SUGCT: variants seen among roughly 807,000 people sequenced by gnomAD.
SUGCT encodes succinyl-CoA:glutarate CoA-transferase.
A neutral mutation model predicts 55.0 loss-of-function variants in SUGCT; 41 were observed. That is an observed-to-expected ratio of 0.74 (90% CI 0.58 to 0.97). The LOEUF is 0.97. Ranked by LOEUF, SUGCT falls within the 50% of genes least tolerant of loss-of-function variation. SUGCT has a pLI of 0.00. For synonymous variants in SUGCT, 187 were observed against 200.4 expected (o/e 0.93, Z 0.56); for missense variants, 568 against 547.8 (o/e 1.04, Z -0.37).
At chr7:40,364,111 GT>G (rs1253734361) in intron 9 of SUGCT, among the ~76,000 whole-genome samples, 4 of 150,638 alleles carry the variant, frequency 2.7e-5, no homozygotes, top group African/African-American at 9.7e-5. Context: ...TTTAAAGTCT[GT>G]TTTATCCGAG....
intron 12 of SUGCT, among the ~76,000 whole-genome samples, chr7:40,560,589 T>C (rs1035610835): frequency 1.3e-5 from 2 of 152,208 alleles, no homozygotes; most frequent in South Asian, 4.1e-4. Flanking sequence ...CCAAGGATCT[T>C]AGAGTCCTGA....
chr7:40,865,613 C>T (rs1190964729), downstream of SUGCT, among the ~76,000 whole-genome samples: 4 of 152,154 alleles, frequency 2.6e-5, no homozygotes, highest in South Asian at 4.1e-4. Flanking sequence ...ACGCTGGAGC[C>T]GAACAGCTTG....
chr7:40,598,279 G>T (rs1306943947), intron 12 of SUGCT, among the ~76,000 whole-genome samples: 1 of 152,146 alleles, frequency 6.6e-6, no homozygotes, highest in Admixed American at 6.5e-5. Context: ...ACCATGGTGG[G>T]CCCCTCTCTA....
intron 9 of SUGCT, among the ~76,000 whole-genome samples, chr7:40,412,584 T>G (rs934338556): frequency 2.0e-5 from 3 of 152,172 alleles, no homozygotes; most frequent in African/African-American, 7.2e-5. Flanking sequence ...AATACATTAT[T>G]TATATATTGA....
At chr7:40,186,292 T>C (rs1584285353) in intron 3 of SUGCT, among the ~76,000 whole-genome samples, 1 of 144,724 alleles carries the variant, frequency 6.9e-6, no homozygotes, top group Admixed American at 7.0e-5. Flanking sequence ...AGGATCTTGC[T>C]CTGTCCCCTA....
chr7:40,634,735 A>G (rs762216884), intron 12 of SUGCT, among the ~76,000 whole-genome samples: 2 of 152,242 alleles, frequency 1.3e-5, no homozygotes, highest in African/African-American at 4.8e-5. Flanking sequence ...AATAGACATT[A>G]TCATGCATTG....
At chr7:40,890,988 A>G in the SUGCT span, among the ~76,000 whole-genome samples, 2,406 of 152,258 alleles carry the variant, frequency 0.016, 32 homozygotes, top group Non-Finnish European at 0.025. Flanking sequence ...AGAACAAAAA[A>G]TTTCTAGAAT....
intron 13 of SUGCT, among the ~76,000 whole-genome samples, chr7:40,763,726 C>T (rs1019832624): frequency 2.2e-4 from 34 of 152,158 alleles, no homozygotes; most frequent in African/African-American, 8.2e-4. Context: ...ACTGCCAGAT[C>T]TCAGAAACAG....
At chr7:40,384,129 G>T (rs1381970054) in intron 9 of SUGCT, among the ~76,000 whole-genome samples, 3 of 152,154 alleles carry the variant, frequency 2.0e-5, no homozygotes, top group Non-Finnish European at 2.9e-5. Flanking sequence ...ATGATTGTGG[G>T]TAAATACTAT....
intron 12 of SUGCT, among the ~76,000 whole-genome samples, chr7:40,567,716 C>T (rs189600133): frequency 3.0e-4 from 46 of 152,300 alleles, no homozygotes; most frequent in Admixed American, 1.0e-3. Context: ...TCTAACATGT[C>T]ACAAGTTTCT....
intron 12 of SUGCT, among the ~76,000 whole-genome samples, chr7:40,678,771 T>C (rs1324744369): frequency 1.3e-5 from 2 of 152,234 alleles, no homozygotes; most frequent in African/African-American, 4.8e-5. Flanking sequence ...TATTTTTTCC[T>C]ACATGAAGAA....
chr7:40,212,196 C>T (rs1787378882), intron 6 of SUGCT, among the ~76,000 whole-genome samples: 1 of 151,468 alleles, frequency 6.6e-6, no homozygotes, highest in Non-Finnish European at 1.5e-5. Context: ...GTGATCCTTC[C>T]ACCTCGGTCT....
chr7:40,806,953 C>G (rs546640046), intron 13 of SUGCT, among the ~76,000 whole-genome samples: 2 of 152,244 alleles, frequency 1.3e-5, no homozygotes, highest in South Asian at 2.1e-4. Context: ...ATATAAGTTT[C>G]CAGACCTATA....
intron 12 of SUGCT, among the ~76,000 whole-genome samples, chr7:40,574,591 G>A (rs922786539): frequency 1.3e-5 from 2 of 151,936 alleles, no homozygotes; most frequent in South Asian, 2.1e-4. Context: ...GCCACCACAC[G>A]CTGCTAATTT....
intron 12 of SUGCT, among the ~76,000 whole-genome samples, chr7:40,747,377 T>C (rs1194228470): frequency 6.6e-6 from 1 of 152,216 alleles, no homozygotes; most frequent in Non-Finnish European, 1.5e-5. Flanking sequence ...TGTGACTCAC[T>C]AGAAATGAAT....
At chr7:40,481,393 A>C (rs1383207337) in intron 11 of SUGCT, among the ~76,000 whole-genome samples, 1 of 151,072 alleles carries the variant, frequency 6.6e-6, no homozygotes, top group Non-Finnish European at 1.5e-5. Context: ...GGTAGGATTA[A>C]GATATTTATT....
intron 12 of SUGCT, among the ~76,000 whole-genome samples, chr7:40,645,329 G>A (rs1175100482): frequency 6.6e-6 from 1 of 152,158 alleles, no homozygotes; most frequent in Non-Finnish European, 1.5e-5. Context: ...TGGTGCTGTG[G>A]GCCGTGGCTC....
At chr7:40,537,232 C>G (rs1278955292) in intron 12 of SUGCT, among the ~76,000 whole-genome samples, 1 of 152,140 alleles carries the variant, frequency 6.6e-6, no homozygotes, top group Non-Finnish European at 1.5e-5. Context: ...GTAAAACTTG[C>G]TCTTTTGCTA....
At chr7:40,447,995 G>C (rs1321099949) in intron 9 of SUGCT, among the ~76,000 whole-genome samples, 1 of 152,044 alleles carries the variant, frequency 6.6e-6, no homozygotes, top group Non-Finnish European at 1.5e-5. Flanking sequence ...TCCTCCAATG[G>C]GCTAGGACTG....
Sources: gnomAD v4.1 joint callset for allele counts (sites outside exome capture counted in the v4.1 genomes callset) on GRCh38, gnomAD v4.1.1 for gene constraint, MANE v1.5 for transcripts, NCBI Gene and HGNC (gene_info 2026-07-23, HGNC 2026-07-21) for gene names.